Variants in RIPK1 observed in about 807,000 individuals in gnomAD.
RIPK1 encodes receptor-interacting serine/threonine-protein kinase 1.
In RIPK1, 27 loss-of-function variants were observed where a neutral mutation model predicts 62.4. The observed-to-expected ratio is 0.43, with a 90% CI of 0.32 to 0.60. RIPK1 has a LOEUF of 0.60. Among genes scored for constraint, RIPK1 ranks in the 20% least tolerant of loss-of-function variants. RIPK1 has a pLI of 0.07. For missense variants in RIPK1, 735 were observed against 831.0 expected (o/e 0.88, Z 1.42); for synonymous variants, 287 against 303.2 (o/e 0.95, Z 0.55).
chr6:3,112,298 G>C (rs1761204443), intron 10 of RIPK1, among the ~76,000 whole-genome samples: 1 of 152,174 alleles, frequency 6.6e-6, no homozygotes, highest in Non-Finnish European at 1.5e-5. Context: ...TGTTGGGCCG[G>C]GGTGGTGGTC....
At chr6:3,099,341 G>A (rs1461837011) in intron 7 of RIPK1, among the ~76,000 whole-genome samples, 1 of 152,138 alleles carries the variant, frequency 6.6e-6, no homozygotes, top group Non-Finnish European at 1.5e-5. Flanking sequence ...TCAGGAGATC[G>A]AGACCATCCT....
At chr6:3,084,894 AGCC>A (rs759934209) in intron 5 of RIPK1, among the ~76,000 whole-genome samples, 39 of 152,164 alleles carry the variant, frequency 2.6e-4, no homozygotes, top group South Asian at 1.0e-3. Context: ...GCCCAGCCTC[AGCC>A]TTCTTGAATA....
In RIPK1 at chr6:3,076,865, C is replaced by T. The variant is rs139862401; in HGVS notation, c.42C>T (p.Ser14=). Residue 14 remains serine (S), a synonymous_variant, in exon 2 of 11, where the codon TCC becomes TCT. Transcript: ENST00000259808. ...DMSLNVIKMK[S]SDFLESAELD... ...CCTTGAATGTCATTAAGATGAAATCCAGTGACTTCCTGGAGAGTGCAGAAC... is the reference window on the plus strand; with the variant it reads ...CCTTGAATGTCATTAAGATGAAATCTAGTGACTTCCTGGAGAGTGCAGAAC... 1.8e-5 allele frequency: 29 copies of T among 1,612,628 alleles called. No individual in the cohort carries two copies. Among genetic ancestry groups the T allele is most frequent in the Non-Finnish European group, 2.3e-5 (27 of 1,179,288 alleles).
At chr6:3,082,798 T>C (rs1759464390) in intron 4 of RIPK1, among the ~76,000 whole-genome samples, 1 of 152,224 alleles carries the variant, frequency 6.6e-6, no homozygotes, top group South Asian at 2.1e-4. Flanking sequence ...GTTGTTACTG[T>C]TCTTGTCAGA....
At chr6:3,100,266 CA>C (rs1169974030) in intron 7 of RIPK1, among the ~76,000 whole-genome samples, 1 of 151,534 alleles carries the variant, frequency 6.6e-6, no homozygotes, top group African/African-American at 2.4e-5. Context: ...ACTAATAATA[CA>C]AAAAAAACTG....
chr6:3,066,136 G>A (rs561660533), upstream of RIPK1, among the ~76,000 whole-genome samples: 83 of 152,244 alleles, frequency 5.5e-4, no homozygotes, highest in African/African-American at 1.8e-3. Context: ...CAATTCTCCC[G>A]CCTCAGCCTC....
In RIPK1 at chr6:3,072,181, A is replaced by G. The variant is rs73718956; in HGVS notation, c.-61+3520A>G. Among the ~76,000 whole-genome samples the G allele has an allele frequency of 0.014, 2,145 of 152,320 alleles. 52 individuals carry two copies. The highest frequency in any genetic ancestry group is 0.048 in the African/African-American group (2,009 of 41,550). ...CAGCATCTCTGATTTGATCCCTCAG[A>G]GTAAAGAAATACTGAGTCAAGGAAT... On this transcript the variant is annotated intron_variant, in intron 1 of 10. Coordinates refer to ENST00000259808, the MANE Select transcript of RIPK1 (RefSeq NM_001354930.2). This position sits in a 1 kb window ranked among gnomAD's most constrained non-coding sequence, Gnocchi z 5.6.
upstream of RIPK1, among the ~76,000 whole-genome samples, chr6:3,065,387 G>A (rs1186572868): frequency 6.6e-6 from 1 of 151,652 alleles, no homozygotes; most frequent in Non-Finnish European, 1.5e-5. Flanking sequence ...TTTGCGTGGC[G>A]TTTTGGGGAG....
Position 3,114,968 on chromosome 6 carries a change from G to GC in RIPK1, c.*1631dup, listed in dbSNP as rs1761339197. 3 of 152,236 alleles carry GC rather than the reference G, an allele frequency of 2.0e-5. No homozygotes were observed. The South Asian group carries it at 6.2e-4, about 32-fold the overall frequency. The allele number at this position is 152,236 out of a possible 1,614,324, so 9.4% of individuals were successfully genotyped here. A position where few individuals can be genotyped will look rare whatever the true frequency, so the allele number is the denominator to read the frequency against. On this transcript the variant is annotated 3_prime_UTR_variant, in exon 11 of 11. Coordinates refer to ENST00000259808, the MANE Select transcript of RIPK1 (RefSeq NM_001354930.2). This position sits in a 1 kb window ranked among gnomAD's most constrained non-coding sequence, Gnocchi z 5.0. ...TCTGCACCTGTCCGGTTACTACTTGGCCACCACGCAGCCTTGGCTCCTACA... is the reference window on the plus strand; with the variant it reads ...TCTGCACCTGTCCGGTTACTACTTGGCCCACCACGCAGCCTTGGCTCCTACA...
intron 4 of RIPK1, among the ~76,000 whole-genome samples, chr6:3,082,370 A>G (rs1291569598): frequency 1.3e-5 from 2 of 152,210 alleles, no homozygotes; most frequent in African/African-American, 4.8e-5. Context: ...TCATCCCCAC[A>G]TGCTTGCTTG....
intron 6 of RIPK1, among the ~76,000 whole-genome samples, chr6:3,085,631 T>C (rs1014086284): frequency 1.3e-5 from 2 of 152,230 alleles, no homozygotes; most frequent in African/African-American, 4.8e-5. Flanking sequence ...TTTTTTGTAA[T>C]TAACTTTTTA....
chr6:3,086,949 T>A (rs377308155), intron 6 of RIPK1, among the ~76,000 whole-genome samples: 48 of 152,266 alleles, frequency 3.2e-4, no homozygotes, highest in African/African-American at 1.2e-3. Flanking sequence ...CAAAAGACAC[T>A]CTTAGAAGAC....
intron 5 of RIPK1, among the ~76,000 whole-genome samples, chr6:3,084,026 G>C (rs912470048): frequency 2.0e-5 from 3 of 152,082 alleles, no homozygotes; most frequent in Admixed American, 2.0e-4. Flanking sequence ...AGTCATCCCA[G>C]ACTCGCCCTT....
intron 1 of RIPK1, among the ~76,000 whole-genome samples, chr6:3,069,238 A>G (rs1758562545): frequency 6.6e-6 from 1 of 152,218 alleles, no homozygotes; most frequent in Non-Finnish European, 1.5e-5. Context: ...CAGCCCTTTG[A>G]AAGGGCCTTT....
At chr6:3,069,748 A>T (rs1264506000) in intron 1 of RIPK1, among the ~76,000 whole-genome samples, 1 of 152,144 alleles carries the variant, frequency 6.6e-6, no homozygotes, top group African/African-American at 2.4e-5. Flanking sequence ...ACGGTGGCTC[A>T]CTCCTGTAAT....
intron 7 of RIPK1, among the ~76,000 whole-genome samples, chr6:3,100,081 TAA>T (rs1185648275): frequency 6.6e-6 from 1 of 152,144 alleles, no homozygotes; most frequent in East Asian, 1.9e-4. Flanking sequence ...GTGAAAAAAA[TAA>T]GTCACAAAAC....
At chr6:3,090,187 C>G (rs1759959244) in intron 7 of RIPK1, among the ~76,000 whole-genome samples, 1 of 152,218 alleles carries the variant, frequency 6.6e-6, no homozygotes, top group African/African-American at 2.4e-5. Context: ...CAACAGATGG[C>G]AGCAGCATCT....
chr6:3,077,049 TGGAGCCGTTGGCTGCTGC>T (rs1184642449), intron 2 of RIPK1, 62 bp downstream of exon 2: 19 of 1,478,572 alleles, frequency 1.3e-5, no homozygotes, highest in East Asian at 2.4e-5. Flanking sequence ...TTGGCTGTTG[TGGAGCCGTTGGCTGCTGC>T]GGAGCCGTTG....
intron 6 of RIPK1, among the ~76,000 whole-genome samples, chr6:3,085,747 GTC>G (rs1191113857): frequency 6.6e-6 from 1 of 152,054 alleles, no homozygotes; most frequent in Non-Finnish European, 1.5e-5. Flanking sequence ...ACTTTCCATC[GTC>G]TCTCTCCCTG....
Sources: allele counts gnomAD v4.1 joint callset (sites outside exome capture counted in the v4.1 genomes callset), GRCh38; gene constraint gnomAD v4.1.1; non-coding constraint Gnocchi (gnomAD v3.1); transcripts MANE v1.5; gene names NCBI Gene and HGNC (gene_info 2026-07-23, HGNC 2026-07-21).